The following PTPRU variants were observed in gnomAD, a reference collection of about 807,000 sequenced individuals.
PTPRU encodes receptor-type tyrosine-protein phosphatase U.
PTPRU carries 69 observed loss-of-function variants against 166.3 expected under a neutral mutation model. The ratio of observed to expected loss-of-function variants is 0.41; its 90% CI spans 0.34 to 0.51. The LOEUF is 0.51. Ranked by LOEUF, PTPRU falls within the 20% of genes least tolerant of loss-of-function variation. PTPRU has a pLI of 0.09. For synonymous variants in PTPRU, 793 were observed against 814.0 expected (o/e 0.97, Z 0.44); for missense variants, 1,657 against 2,013.7 (o/e 0.82, Z 3.39).
rs10429867 is a variant in PTPRU at position 29,238,744 on chromosome 1, A to G, written c.73+2027A>G. 0.11 allele frequency among the ~76,000 whole-genome samples: 17,426 copies of G among 151,974 alleles called. 1,355 individuals carry two copies. The highest frequency in any genetic ancestry group is 0.41 in the East Asian group (2,059 of 5,082). On this transcript the variant is annotated intron_variant, in intron 1 of 29. Transcript: ENST00000373779. The surrounding 1 kb of genome is among the most constrained non-coding windows in gnomAD (Gnocchi z 6.1). ...CTTTGCCTCCCTCTCCCACCGTGAAATCAAACCCGCGGGGTTCTGTATGCG... is the reference window on the plus strand; with the variant it reads ...CTTTGCCTCCCTCTCCCACCGTGAAGTCAAACCCGCGGGGTTCTGTATGCG...
chr1:29,277,003 T>G (rs1281150537), intron 8 of PTPRU, among the ~76,000 whole-genome samples: 4 of 152,372 alleles, frequency 2.6e-5, no homozygotes, highest in Non-Finnish European at 4.4e-5. Flanking sequence ...TTCAATTTGT[T>G]GTCTATACAA....
chr1:29,311,467 G>C lies in PTPRU; in HGVS notation c.2869G>C (p.Glu957Gln). 1 of 1,614,152 alleles carries C rather than the reference G, an allele frequency of 6.2e-7. No homozygotes were observed. Among genetic ancestry groups the C allele is most frequent in the African/African-American group, 1.3e-5 (1 of 75,060 alleles). The change falls in exon 20 of 30, where the codon GAG becomes CAG. Residue 957 changes from glutamate to glutamine, a missense_variant. Around this residue, in one of 3 missense-constraint regions of PTPRU, gnomAD observed 1,190 missense variants for 1,477.4 expected, o/e 0.81. Transcript: ENST00000373779. This position sits in a 1 kb window ranked among gnomAD's most constrained non-coding sequence, Gnocchi z 4.1. ...GCCTGCATCCCCAGGGCCGAAGCCT[G>C]AGATGGTCTATGACTTCTGGCGTAT... ...HFIATQGPKPEMVYDFWRMVW... is the reference protein window; with the variant it reads ...HFIATQGPKPQMVYDFWRMVW...
At chr1:29,299,420 G>A (rs1687040154) in intron 15 of PTPRU, among the ~76,000 whole-genome samples, 1 of 152,200 alleles carries the variant, frequency 6.6e-6, no homozygotes, top group African/African-American at 2.4e-5. Context: ...TCATAGGCAA[G>A]GAGAGTAGGG....
At chr1:29,284,658 A>G (rs558959855) in intron 13 of PTPRU, 73 bp from the exon 14 acceptor site, 2 of 1,607,914 alleles carry the variant, frequency 1.2e-6, no homozygotes, top group East Asian at 2.2e-5. Context: ...TTCCTTGGGC[A>G]CAGCCACCTA....
chr1:29,297,827 T>C (rs1686961578), intron 15 of PTPRU, among the ~76,000 whole-genome samples: 1 of 152,192 alleles, frequency 6.6e-6, no homozygotes, highest in African/African-American at 2.4e-5. Flanking sequence ...GCTATGTGGA[T>C]AGTGGGGACA....
chr1:29,308,495 A>G (rs1374710488), intron 18 of PTPRU, among the ~76,000 whole-genome samples: 1 of 144,298 alleles, frequency 6.9e-6, no homozygotes, highest in Non-Finnish European at 1.5e-5. Flanking sequence ...TAAGCCTGGG[A>G]GGCAGAAGTT....
intron 15 of PTPRU, among the ~76,000 whole-genome samples, chr1:29,293,133 C>T (rs1193707949): frequency 6.6e-6 from 1 of 152,174 alleles, no homozygotes; most frequent in East Asian, 1.9e-4. Flanking sequence ...GTGTGCGCCA[C>T]CACACCCAGA....
At chr1:29,308,605 C>T (rs1034834395) in intron 18 of PTPRU, among the ~76,000 whole-genome samples, 1 of 144,716 alleles carries the variant, frequency 6.9e-6, no homozygotes, top group African/African-American at 2.6e-5. Flanking sequence ...GAGATGGGGT[C>T]TCACTATGTT....
chr1:29,284,985 G>T, intron 14 of PTPRU, 116 bp downstream of exon 14: 1 of 1,368,286 alleles, frequency 7.3e-7, no homozygotes, highest in East Asian at 2.4e-5. Context: ...TGTGTGGAGG[G>T]CTGCCAGCCT....
At position 29,320,468 on chromosome 1, in the gene PTPRU, G is replaced by T. The variant is rs1688102738; in HGVS notation, c.3688-217G>T. On this transcript the variant is annotated intron_variant, in intron 25 of 29. Coordinates refer to ENST00000373779, the MANE Select transcript of PTPRU (RefSeq NM_133178.4). The surrounding 1 kb of genome is among the most constrained non-coding windows in gnomAD (Gnocchi z 5.2). Reference sequence around the variant, plus strand: ...AACTTTTGCTGTTTAGTTCTGGGGGGTCATGGGCTTGGTCCCCAGAGGCCT... The same window carrying T: ...AACTTTTGCTGTTTAGTTCTGGGGGTTCATGGGCTTGGTCCCCAGAGGCCT... 4 of 431,136 alleles carry T rather than the reference G, an allele frequency of 9.3e-6. No homozygotes were observed. 26.7% of individuals were successfully genotyped at this position (431,136 alleles called of 1,614,324 possible).
intron 15 of PTPRU, 21 bp from the exon 16 acceptor site, chr1:29,303,834 T>C (rs752644526): frequency 1.9e-6 from 3 of 1,585,442 alleles, no homozygotes; most frequent in Non-Finnish European, 2.6e-6. Context: ...CAAGAACCCT[T>C]TTGTCTTTCT....
chr1:29,273,313 G>T (rs927648292), intron 7 of PTPRU, among the ~76,000 whole-genome samples: 1 of 152,146 alleles, frequency 6.6e-6, no homozygotes. Flanking sequence ...GTGTCGCCCA[G>T]GCTGGAGTGC....
Position 29,282,701 on chromosome 1 carries a change from G to A in PTPRU, c.1894G>A (p.Glu632Lys). Residue 632 changes from glutamate (E) to lysine (K), a missense_variant, in exon 12 of 30, where the codon GAG becomes AAG. By Grantham distance (56) the Glu-to-Lys change is moderately conservative. Around this residue, in one of 3 missense-constraint regions of PTPRU, gnomAD observed 1,190 missense variants for 1,477.4 expected, o/e 0.81. Coordinates refer to ENST00000373779, the MANE Select transcript of PTPRU (RefSeq NM_133178.4). ...TGTGTACCAGGTGATTGTGGAGGAG[G>A]AGCGGGCGCGGAGGCTGCGGCGGGA... is the stretch of plus-strand genomic sequence containing the variant. ...ISVYQVIVEE[E>K]RARRLRREPG... 2 of 1,612,862 alleles carry A rather than the reference G, an allele frequency of 1.2e-6. No individual in the cohort carries two copies. The highest frequency in any genetic ancestry group is 1.7e-6 in the Non-Finnish European group (2 of 1,179,908).
intron 18 of PTPRU, chr1:29,306,988 C>A: frequency 1.1e-6 from 1 of 950,046 alleles, no homozygotes; most frequent in Non-Finnish European, 1.6e-6. Flanking sequence ...CTCAGCCCAG[C>A]CCGGCCTGCC....
At chr1:29,313,094 C>T (rs1324535394) in intron 22 of PTPRU, among the ~76,000 whole-genome samples, 1 of 152,210 alleles carries the variant, frequency 6.6e-6, no homozygotes, top group Non-Finnish European at 1.5e-5. Context: ...CTCCACCAAA[C>T]CCAGTGGGCC....
At chr1:29,244,262 G>T (rs1283054380) in intron 1 of PTPRU, among the ~76,000 whole-genome samples, 1 of 152,118 alleles carries the variant, frequency 6.6e-6, no homozygotes, top group Non-Finnish European at 1.5e-5. Flanking sequence ...CACTGTGGTG[G>T]GTGACAGCTG....
intron 7 of PTPRU, among the ~76,000 whole-genome samples, chr1:29,272,211 T>C (rs904125379): frequency 2.0e-5 from 3 of 152,150 alleles, no homozygotes; most frequent in African/African-American, 7.2e-5. Flanking sequence ...GGGCCAGGAA[T>C]GGGAGAGAAA....
At chr1:29,294,226 A>C (rs1263981440) in intron 15 of PTPRU, among the ~76,000 whole-genome samples, 3 of 152,228 alleles carry the variant, frequency 2.0e-5, no homozygotes, top group Non-Finnish European at 4.4e-5. Context: ...GCTCTACATC[A>C]AGATCAAAAT....
intron 26 of PTPRU, among the ~76,000 whole-genome samples, chr1:29,322,554 G>C (rs377375432): frequency 6.6e-6 from 1 of 152,128 alleles, no homozygotes; most frequent in South Asian, 2.1e-4. Context: ...GGTTCTGAAC[G>C]CACAGGGTTG....
Sources: allele counts gnomAD v4.1 joint callset (sites outside exome capture counted in the v4.1 genomes callset), GRCh38; gene constraint gnomAD v4.1.1; regional missense constraint gnomAD v4.1.1; non-coding constraint Gnocchi (gnomAD v3.1); transcripts MANE v1.5; gene names NCBI Gene and HGNC (gene_info 2026-07-23, HGNC 2026-07-21).